Variants in LRP12 observed in about 807,000 individuals in gnomAD.
LRP12 encodes the protein LDL receptor related protein 12, also known as low-density lipoprotein receptor-related protein 12.
In LRP12, 14 loss-of-function variants were observed where a neutral mutation model predicts 66.0. The ratio of observed to expected loss-of-function variants is 0.21; its 90% CI spans 0.14 to 0.33. The LOEUF (loss-of-function observed/expected upper bound fraction) is 0.33, where lower values mean the gene tolerates loss of function less well. LRP12 is among the 10% of genes least tolerant of loss of function. LRP12 has a pLI of 1.00. For synonymous variants in LRP12, 357 were observed against 359.1 expected, an observed-to-expected ratio of 0.99 and a Z score of 0.07; for missense variants, 889 against 1,053.4, an observed-to-expected ratio of 0.84 and a Z score of 2.16.
chr8:104,583,854 G>A (rs1041201278), intron 1 of LRP12, among the ~76,000 whole-genome samples: 1 of 152,056 alleles, frequency 6.6e-6, no homozygotes, highest in Admixed American at 6.6e-5. Context: ...GACTAATCAC[G>A]CATCTTTCAA....
intron 3 of LRP12, chr8:104,508,681 A>G (rs554192087): frequency 1.4e-4 from 43 of 304,054 alleles, no homozygotes; most frequent in African/African-American, 8.7e-4. Flanking sequence ...GCAAATGTCT[A>G]TATTTTGTTA....
At chr8:104,561,543 T>G (rs1301387842) in intron 1 of LRP12, among the ~76,000 whole-genome samples, 8 of 152,210 alleles carry the variant, frequency 5.3e-5, no homozygotes, top group Non-Finnish European at 1.0e-4. Context: ...CAAAGAAGTT[T>G]CCCTCTTTCT....
At chr8:104,502,159 G>A (rs1256434073) in intron 3 of LRP12, among the ~76,000 whole-genome samples, 1 of 152,116 alleles carries the variant, frequency 6.6e-6, no homozygotes, top group Non-Finnish European at 1.5e-5. Context: ...TTTGCCCTTA[G>A]TCTTAGGGGG....
At chr8:104,491,608 C>T in intron 6 of LRP12, 69 bp from the exon 7 acceptor site, 1 of 912,590 alleles carries the variant, frequency 1.1e-6, no homozygotes, top group African/African-American at 1.7e-5. Context: ...AAAAAAAACA[C>T]CCTTCTATTA....
intron 1 of LRP12, among the ~76,000 whole-genome samples, chr8:104,552,420 A>G (rs139616509): frequency 0.011 from 1,628 of 149,534 alleles, 20 homozygotes; most frequent in African/African-American, 0.021. Flanking sequence ...CTGTAATCCC[A>G]GCACTTTGGG....
rs1430942671 is a variant in LRP12 at position 104,497,880 on chromosome 8, G to C, written c.672C>G (p.Ser224=). Residue 224 remains serine (S), a synonymous_variant, in exon 5 of 7, where the codon TCC becomes TCG. Transcript: ENST00000276654. The surrounding 1 kb of genome is among the most constrained non-coding windows in gnomAD (Gnocchi z 4.3). The part of the protein sequence containing the change: ...PCAYNQFQCL[S]RFTKVYTCLP... Reference sequence around the variant, plus strand: ...GGCAAGTGTAAACTTTGGTAAAACGGGATAAACACTGGAACTGGTTGTAAG... The same window carrying C: ...GGCAAGTGTAAACTTTGGTAAAACGCGATAAACACTGGAACTGGTTGTAAG... 2.5e-6 allele frequency: 4 copies of C among 1,614,146 alleles called. No homozygotes were observed. The African/African-American group carries it at 5.3e-5, about 22-fold the overall frequency.
At chr8:104,492,673 T>C (rs919708240) in intron 6 of LRP12, among the ~76,000 whole-genome samples, 2 of 152,130 alleles carry the variant, frequency 1.3e-5, no homozygotes, top group Non-Finnish European at 2.9e-5. Context: ...ATATAGGCCC[T>C]TCCATAGTGC....
chr8:104,580,529 C>CA lies in LRP12; in HGVS notation c.79+8289dup, dbSNP rs558940104. Among the ~76,000 whole-genome samples the CA allele has an allele frequency of 8.2e-3, 1,116 of 135,836 alleles. 11 individuals are homozygous for CA. Among genetic ancestry groups the CA allele is most frequent in the Admixed American group, 0.015 (202 of 13,444 alleles). The allele number at this position is 135,836 out of a possible 152,430, so 89.1% of individuals were successfully genotyped here. ...TGGGCGACAGAGCAAGACTCCGTTT[C>CA]AAAAAAAAAACAAAACAAACAAACA... is the stretch of plus-strand genomic sequence containing the variant. On this transcript the variant is annotated intron_variant, in intron 1 of 6. Coordinates refer to ENST00000276654, the MANE Select transcript of LRP12 (RefSeq NM_013437.5).
At chr8:104,546,666 A>G (rs574355341) in intron 1 of LRP12, among the ~76,000 whole-genome samples, 1 of 151,908 alleles carries the variant, frequency 6.6e-6, no homozygotes, top group Non-Finnish European at 1.5e-5. Context: ...TTGAGTTTTC[A>G]CCTAAAAATA....
intron 1 of LRP12, among the ~76,000 whole-genome samples, chr8:104,585,892 G>A (rs534007792): frequency 4.8e-4 from 73 of 152,324 alleles, no homozygotes; most frequent in African/African-American, 1.5e-3. Context: ...CTATTGACTA[G>A]GAGACAGAGG....
At chr8:104,519,858 T>C (rs1238445913) in intron 2 of LRP12, among the ~76,000 whole-genome samples, 1 of 152,046 alleles carries the variant, frequency 6.6e-6, no homozygotes, top group Non-Finnish European at 1.5e-5. Flanking sequence ...CAGCAATATA[T>C]TTATTCATAT....
At chr8:104,566,524 G>A (rs1224523084) in intron 1 of LRP12, 1 of 154,338 alleles carries the variant, frequency 6.5e-6, no homozygotes, top group African/African-American at 2.4e-5. Flanking sequence ...TTATAATCAA[G>A]AGAAGTGATA....
In LRP12 at chr8:104,548,597, T is replaced by A. The variant is rs866389789; in HGVS notation, c.80-16634A>T. Among the ~76,000 whole-genome samples the A allele has an allele frequency of 2.3e-4, 16 of 70,676 alleles. 1 individual carries two copies. The highest frequency in any genetic ancestry group is 9.8e-4 in the African/African-American group (16 of 16,320). The allele number at this position is 70,676 out of a possible 152,430, so 46.4% of individuals were successfully genotyped here. ...TCTATATTATATTTTGTATATAATA[T>A]AGAATTATATAATTAAATTAATTAT... On this transcript the variant is annotated intron_variant, in intron 1 of 6. Coordinates refer to ENST00000276654, the MANE Select transcript of LRP12 (RefSeq NM_013437.5).
intron 1 of LRP12, among the ~76,000 whole-genome samples, chr8:104,585,554 G>C (rs1177034065): frequency 6.6e-6 from 1 of 152,088 alleles, no homozygotes; most frequent in Non-Finnish European, 1.5e-5. Context: ...GCTTCATCTT[G>C]GGTAGTGTTT....
chr8:104,559,674 A>T (rs77317614), intron 1 of LRP12, among the ~76,000 whole-genome samples: 3,363 of 152,256 alleles, frequency 0.022, 113 homozygotes, highest in African/African-American at 0.075. Context: ...ACAATATTGT[A>T]CATGCCTATC....
At chr8:104,576,192 A>G (rs1211319583) in intron 1 of LRP12, among the ~76,000 whole-genome samples, 4 of 152,220 alleles carry the variant, frequency 2.6e-5, no homozygotes, top group African/African-American at 9.6e-5. Context: ...CTTGGTAAAC[A>G]TATTTCAGGA....
In LRP12 at chr8:104,496,958, G is replaced by A; in HGVS notation, c.1580+14C>T. 6.6e-7 allele frequency: 1 copy of A among 1,514,686 alleles called. No individual in the cohort carries two copies. The highest frequency in any genetic ancestry group is 1.4e-5 in the South Asian group (1 of 73,780). The allele number at this position is 1,514,686 out of a possible 1,614,324, so 93.8% of individuals were successfully genotyped here. A position where few individuals can be genotyped will look rare whatever the true frequency, so the allele number is the denominator to read the frequency against. On this transcript the variant is annotated intron_variant, in intron 5 of 6. Coordinates refer to ENST00000276654, the MANE Select transcript of LRP12 (RefSeq NM_013437.5). Reference sequence around the variant, plus strand: ...GCTTTTATTGAGGCCCAATAGTTCTGTCTTGATACTGACCTTCTTTCAAAC... The same window carrying A: ...GCTTTTATTGAGGCCCAATAGTTCTATCTTGATACTGACCTTCTTTCAAAC...
chr8:104,525,604 T>G lies in LRP12; in HGVS notation c.136+6303A>C, dbSNP rs923438587. Among the ~76,000 whole-genome samples the G allele has an allele frequency of 2.0e-5, 3 of 152,162 alleles. No homozygotes were observed. In the East Asian group the frequency reaches 5.8e-4, roughly 29 times the overall value. On this transcript the variant is annotated intron_variant, in intron 2 of 6. Coordinates refer to ENST00000276654, the MANE Select transcript of LRP12 (RefSeq NM_013437.5). ...ATTAATTCATTTACTACTCACCAGATATTTTAACTAGGCTTTTTACAAATT... is the reference window on the plus strand; with the variant it reads ...ATTAATTCATTTACTACTCACCAGAGATTTTAACTAGGCTTTTTACAAATT...
At chr8:104,575,460 G>A (rs1417891795) in intron 1 of LRP12, among the ~76,000 whole-genome samples, 3 of 152,170 alleles carry the variant, frequency 2.0e-5, no homozygotes, top group African/African-American at 7.2e-5. Flanking sequence ...AACAAAGTCG[G>A]GGCCCAATAC....
Sources: allele counts gnomAD v4.1 joint callset (sites outside exome capture counted in the v4.1 genomes callset), GRCh38; gene constraint gnomAD v4.1.1; non-coding constraint Gnocchi (gnomAD v3.1); transcripts MANE v1.5; gene names NCBI Gene and HGNC (gene_info 2026-07-23, HGNC 2026-07-21).